REV1: variants seen among roughly 807,000 people sequenced by gnomAD.
REV1 encodes the protein translesion synthesis protein REV1.
In REV1, 42 loss-of-function variants were observed where a neutral mutation model predicts 137.4. That is an observed-to-expected ratio of 0.31 (90% CI 0.24 to 0.40). The LOEUF (loss-of-function observed/expected upper bound fraction) is 0.40. Among genes scored for constraint, REV1 ranks in the 10% least tolerant of loss-of-function variants. The pLI, the probability that REV1 is intolerant of heterozygous loss-of-function variation, is 1.00. For missense variants in REV1, 1,282 were observed against 1,490.1 expected (o/e 0.86, Z 2.30); for synonymous variants, 524 against 519.2 (o/e 1.01, Z -0.12).
intron 14 of REV1, among the ~76,000 whole-genome samples, chr2:99,409,552 G>A (rs1295304903): frequency 1.3e-5 from 2 of 152,142 alleles, no homozygotes; most frequent in Admixed American, 6.6e-5. Context: ...CATAAAAGAC[G>A]AGTGTTTCAG....
At chr2:99,473,421 A>G (rs1158164425) in intron 1 of REV1, among the ~76,000 whole-genome samples, 1 of 152,040 alleles carries the variant, frequency 6.6e-6, no homozygotes, top group African/African-American at 2.4e-5. Flanking sequence ...TCAGACACCT[A>G]GGTGAAGGGC....
Position 99,409,887 on chromosome 2 carries a change from A to C in REV1, c.2345+808T>G, listed in dbSNP as rs375135814. On this transcript the variant is annotated intron_variant, in intron 14 of 22. Coordinates refer to ENST00000258428, the MANE Select transcript of REV1 (RefSeq NM_016316.4). The stretch of plus-strand genomic sequence containing the variant: ...CCCCCCAAAAAAAACAGCGTTTTTA[A>C]ATGCTTTTACCAGTTTTCAGACATT... Among the ~76,000 whole-genome samples the C allele has an allele frequency of 1.7e-4, 23 of 138,488 alleles. No individual in the cohort carries two copies. In the South Asian group the frequency reaches 5.7e-3, roughly 34 times the overall value. The allele number at this position is 138,488 out of a possible 152,430, so 90.9% of individuals were successfully genotyped here.
chr2:99,449,809 A>G (rs1682705556), intron 3 of REV1, among the ~76,000 whole-genome samples: 2 of 152,142 alleles, frequency 1.3e-5, no homozygotes, highest in South Asian at 2.1e-4. Context: ...ATATTTTTAC[A>G]TTTTTTACTA....
chr2:99,460,511 C>T (rs1168197854), intron 3 of REV1, among the ~76,000 whole-genome samples: 2 of 152,154 alleles, frequency 1.3e-5, no homozygotes, highest in Non-Finnish European at 2.9e-5. Context: ...CAGTACTCCT[C>T]AAGACTGTGA....
At chr2:99,409,670 C>CCAAGG (rs1195645234) in intron 14 of REV1, among the ~76,000 whole-genome samples, 1 of 151,998 alleles carries the variant, frequency 6.6e-6, no homozygotes, top group African/African-American at 2.4e-5. Context: ...ATAGTGAAAC[C>CCAAGG]CTATCTCTAC....
At chr2:99,464,283 TG>T (rs1251362234) in intron 2 of REV1, among the ~76,000 whole-genome samples, 2 of 152,224 alleles carry the variant, frequency 1.3e-5, no homozygotes, top group African/African-American at 2.4e-5. Flanking sequence ...AAGTACATGA[TG>T]TTTTTTTCCC....
rs751223945 is a variant in REV1 at position 99,464,878 on chromosome 2, A to T, written c.54+44T>A. The T allele has an allele frequency of 4.5e-6, 7 of 1,557,974 alleles. 1 individual carries two copies. Among genetic ancestry groups the T allele is most frequent in the African/African-American group, 1.4e-5 (1 of 73,738 alleles). The stretch of plus-strand genomic sequence containing the variant: ...CATTATAACAGAAGAATGAAAAATA[A>T]CTAGACAGTTCGATATAATTATTTT... On this transcript the variant is annotated intron_variant, in intron 2 of 22. Transcript: ENST00000258428.
intron 1 of REV1, among the ~76,000 whole-genome samples, chr2:99,486,297 A>G (rs866858514): frequency 2.0e-4 from 31 of 152,222 alleles, no homozygotes; most frequent in African/African-American, 4.3e-4. Context: ...TGGGAGGCTG[A>G]GGCGGGCGGA....
Position 99,438,869 on chromosome 2 carries a change from G to A in REV1, c.945C>T (p.Ser315=). The change falls in exon 6 of 23, where the codon TCC becomes TCT. Residue 315 remains serine (S), a synonymous_variant. Transcript: ENST00000258428. ...SNTKINGAHH[S]TVQGPSSTKS... The stretch of plus-strand genomic sequence containing the variant: ...TTGTGCTTGAAGGCCCCTGAACAGT[G>A]GAGTGGTGAGCACCATTGATTTTAG... The A allele has an allele frequency of 6.2e-7, 1 of 1,614,216 alleles. No homozygotes were observed. The highest frequency in any genetic ancestry group is 8.5e-7 in the Non-Finnish European group (1 of 1,180,042).
Position 99,403,035 on chromosome 2 carries a change from T to C in REV1, c.3238A>G (p.Ile1080Val). ...EKKRNKKKKTIGSPKRIQSPL... is the reference protein window; with the variant it reads ...EKKRNKKKKTVGSPKRIQSPL... The stretch of plus-strand genomic sequence containing the variant: ...CTCTGAATCCTTTTTGGTGAACCAA[T>C]GGTTTTTTTCTTCTTGTTTCTTTTC... The change falls in exon 20 of 23, where the codon ATT (isoleucine) becomes GTT (valine). Residue 1080 changes from isoleucine (I) to valine (V), a missense_variant. Ile to Val is a conservative substitution (Grantham distance 29). Transcript: ENST00000258428. 6.2e-7 allele frequency: 1 copy of C among 1,614,102 alleles called. No homozygotes were observed. Among genetic ancestry groups the C allele is most frequent in the Non-Finnish European group, 8.5e-7 (1 of 1,179,986 alleles).
intron 1 of REV1, among the ~76,000 whole-genome samples, chr2:99,469,300 G>A (rs567714573): frequency 6.6e-6 from 1 of 152,318 alleles, no homozygotes; most frequent in East Asian, 1.9e-4. Context: ...TGATAACTAA[G>A]AGTAATGAAC....
chr2:99,442,276 A>AAC (rs775187386), intron 5 of REV1, 41 bp downstream of exon 5: 1 of 1,483,004 alleles, frequency 6.7e-7, no homozygotes, highest in East Asian at 2.4e-5. Context: ...AAAAAAAAAA[A>AAC]CCAACCAGCT....
At position 99,416,699 on chromosome 2, in the gene REV1, G is replaced by A. The variant is rs1018189172; in HGVS notation, c.1951+2129C>T. Among the ~76,000 whole-genome samples, 75 of 152,076 alleles carry A rather than the reference G, an allele frequency of 4.9e-4. No individual in the cohort carries two copies. The Middle Eastern group carries it at 0.01, about 21-fold the overall frequency. ...CCCAGCACTTTGGGAGGCCGAGGCGGGCGGATCATGAGGTCAGGAGACCGA... is the reference window on the plus strand; with the variant it reads ...CCCAGCACTTTGGGAGGCCGAGGCGAGCGGATCATGAGGTCAGGAGACCGA... On this transcript the variant is annotated intron_variant, in intron 12 of 22. Coordinates refer to ENST00000258428, the MANE Select transcript of REV1 (RefSeq NM_016316.4).
chr2:99,479,504 G>T (rs994307341), intron 1 of REV1, among the ~76,000 whole-genome samples: 1 of 151,772 alleles, frequency 6.6e-6, no homozygotes, highest in Non-Finnish European at 1.5e-5. Flanking sequence ...ACAATCCAAG[G>T]TTATCAGAGA....
Position 99,418,818 on chromosome 2 carries a change from T to C in REV1, c.1951+10A>G. 6.2e-7 allele frequency: 1 copy of C among 1,607,918 alleles called. No homozygotes were observed. The highest frequency in any genetic ancestry group is 8.5e-7 in the Non-Finnish European group (1 of 1,175,348). On this transcript the variant is annotated intron_variant, in intron 12 of 22. Transcript: ENST00000258428. ...TGTAATAAAAGTATTGTTAAAATAT[T>C]TCTATTTACCTGGTAGATTGGTCAC... is the stretch of plus-strand genomic sequence containing the variant.
intron 15 of REV1, among the ~76,000 whole-genome samples, chr2:99,407,787 C>T (rs1676546842): frequency 6.6e-6 from 1 of 152,058 alleles, no homozygotes; most frequent in South Asian, 2.1e-4. Flanking sequence ...TATATTAGCC[C>T]CTGGTTAATC....
intron 1 of REV1, among the ~76,000 whole-genome samples, chr2:99,470,822 G>A (rs948739371): frequency 6.6e-6 from 1 of 152,208 alleles, no homozygotes; most frequent in East Asian, 1.9e-4. Flanking sequence ...TCCTTTGTTC[G>A]GTGTACTCTC....
intron 1 of REV1, among the ~76,000 whole-genome samples, chr2:99,480,638 A>G (rs1454874778): frequency 6.6e-6 from 1 of 152,220 alleles, no homozygotes. Flanking sequence ...AAACAATGAC[A>G]CATAACTAAA....
chr2:99,407,483 CG>C (rs1230119685), intron 15 of REV1, among the ~76,000 whole-genome samples: 2 of 151,102 alleles, frequency 1.3e-5, no homozygotes, highest in Non-Finnish European at 2.9e-5. Flanking sequence ...ACCCAGGAGG[CG>C]GAAGTTGCAG....
Sources: allele counts gnomAD v4.1 joint callset (sites outside exome capture counted in the v4.1 genomes callset), GRCh38; gene constraint gnomAD v4.1.1; transcripts MANE v1.5; gene names NCBI Gene and HGNC (gene_info 2026-07-23, HGNC 2026-07-21).